Variants in SNX2 observed in about 807,000 individuals in gnomAD.
SNX2 encodes sorting nexin-2.
A neutral mutation model predicts 69.9 loss-of-function variants in SNX2; 25 were observed. The observed-to-expected ratio is 0.36, with a 90% confidence interval of 0.26 to 0.50. The LOEUF (loss-of-function observed/expected upper bound fraction) is 0.50. Among genes scored for constraint, SNX2 ranks in the 20% least tolerant of loss-of-function variants. The probability of loss-of-function intolerance (pLI) is 0.97; values close to 1 mark genes in which losing one functional copy is unlikely to be tolerated. For synonymous variants in SNX2, 229 were observed against 200.4 expected (o/e 1.14, Z -1.20); for missense variants, 551 against 613.3 (o/e 0.90, Z 1.07).
At chr5:122,829,495 C>T in intron 14 of SNX2, 103 bp from the exon 15 acceptor site, 1 of 861,146 alleles carries the variant, frequency 1.2e-6, no homozygotes, top group Non-Finnish European at 1.9e-6. Flanking sequence ...GTGAGCTACC[C>T]AGCCCGGCTT....
intron 7 of SNX2, among the ~76,000 whole-genome samples, chr5:122,811,090 TGGA>T (rs1375151741): frequency 6.6e-6 from 1 of 152,238 alleles, no homozygotes; most frequent in East Asian, 1.9e-4. Context: ...CCAACCCAGT[TGGA>T]TCTGGTGGGT....
Position 122,830,782 on chromosome 5 carries a change from G to A in SNX2, c.*1134G>A, listed in dbSNP as rs908818602. Among the ~76,000 whole-genome samples the A allele has an allele frequency of 2.0e-5, 3 of 152,014 alleles. No individual in the cohort carries two copies. Among genetic ancestry groups the A allele is most frequent in the South Asian group, 2.1e-4 (1 of 4,824 alleles). ...CTAGCACTTTGGGAGGCTGAGGTGG[G>A]TGGATCACCTGAGGTCAGGAGTTCA... On this transcript the variant is annotated 3_prime_UTR_variant, in exon 15 of 15. Transcript: ENST00000379516.
intron 1 of SNX2, among the ~76,000 whole-genome samples, chr5:122,777,460 A>G (rs1170705914): frequency 6.6e-6 from 1 of 152,238 alleles, no homozygotes; most frequent in Non-Finnish European, 1.5e-5. Context: ...AATATATACT[A>G]CTTAAACCAT....
chr5:122,820,225 G>A (rs1164657769), intron 11 of SNX2, among the ~76,000 whole-genome samples: 1 of 152,150 alleles, frequency 6.6e-6, no homozygotes, highest in Non-Finnish European at 1.5e-5. Context: ...AAAAAGGGGA[G>A]TTGGGCAGTG....
chr5:122,822,332 C>T (rs1413767043), intron 11 of SNX2, among the ~76,000 whole-genome samples: 1 of 152,162 alleles, frequency 6.6e-6, no homozygotes, highest in African/African-American at 2.4e-5. Context: ...ATCTACTCAC[C>T]TCGGCGTCCC....
Position 122,775,114 on chromosome 5 carries a change from A to T in SNX2, c.11A>T (p.Glu4Val), listed in dbSNP as rs1752824710. 2 of 1,589,676 alleles carry T rather than the reference A, an allele frequency of 1.3e-6. No homozygotes were observed. The highest frequency in any genetic ancestry group is 4.5e-5 in the East Asian group (2 of 43,978). The change falls in exon 1 of 15, where the codon GAG (glutamate) becomes GTG (valine). Residue 4 changes from glutamate (E) to valine (V), a missense_variant. Around this residue, in one of 2 missense-constraint regions of SNX2, gnomAD observed 191 missense variants for 162.9 expected, o/e 1.17. Transcript: ENST00000379516. ...TTCGGGTGAGCGAAGATGGCGGCCG[A>T]GAGGGAACCTCCTCCGCTGGGGGAC... MAA[E>V]REPPPLGDGK...
chr5:122,796,794 A>T (rs897058007), intron 2 of SNX2, among the ~76,000 whole-genome samples: 5 of 152,178 alleles, frequency 3.3e-5, no homozygotes, highest in South Asian at 2.1e-4. Context: ...ACCTTACTGT[A>T]ACAACAGAAC....
rs765862525 is a variant in SNX2 at position 122,801,960 on chromosome 5, G to C, written c.457+25G>C. 1.7e-5 allele frequency: 27 copies of C among 1,560,834 alleles called. No individual in the cohort carries two copies. The South Asian group carries it at 2.6e-4, about 15-fold the overall frequency. On this transcript the variant is annotated intron_variant, in intron 4 of 14. Coordinates refer to ENST00000379516, the MANE Select transcript of SNX2 (RefSeq NM_003100.4). The stretch of plus-strand genomic sequence containing the variant: ...GGTGAGTCAATACTTATTATATTTT[G>C]TATTTACTTTTTATTAGTTTGTTGG...
At position 122,796,987 on chromosome 5, in the gene SNX2, A is replaced by G. The variant is rs1249205862; in HGVS notation, c.226+1604A>G. 2.6e-5 allele frequency among the ~76,000 whole-genome samples: 4 copies of G among 152,354 alleles called. No individual in the cohort carries two copies. The South Asian group carries it at 6.2e-4, about 24-fold the overall frequency. ...CTGTCACCCAAGCTGGAGTATAGCC[A>G]TGCCATCATAGCTCACAGCAGCTTT... On this transcript the variant is annotated intron_variant, in intron 2 of 14. Transcript: ENST00000379516.
rs1478961337 is a variant in SNX2, at chr5:122,815,961, A to C, written c.788A>C (p.Glu263Ala). Residue 263 changes from glutamate (E) to alanine (A), a missense_variant, in exon 8 of 15, where the codon GAA becomes GCA. Glu to Ala is a moderately radical substitution (Grantham distance 107, BLOSUM62 -1). Transcript: ENST00000379516. ...LQDPDLRQFL[E>A]SSELPRAVNT... ...GATCCTGATTTAAGGCAGTTCTTGG[A>C]AAGTTCAGAGGTATTATTTCTATAT... 1 of 1,591,466 alleles carries C rather than the reference A, an allele frequency of 6.3e-7. No homozygotes were observed. The highest frequency in any genetic ancestry group is 1.1e-5 in the South Asian group (1 of 88,196).
intron 1 of SNX2, among the ~76,000 whole-genome samples, chr5:122,787,271 G>C (rs934519512): frequency 2.0e-5 from 3 of 152,158 alleles, no homozygotes; most frequent in Non-Finnish European, 4.4e-5. Flanking sequence ...TGTAATCCTA[G>C]CACTTTGGGA....
intron 11 of SNX2, among the ~76,000 whole-genome samples, chr5:122,821,176 A>G (rs1754013435): frequency 6.6e-6 from 1 of 152,234 alleles, no homozygotes; most frequent in African/African-American, 2.4e-5. Flanking sequence ...ATGCACATAC[A>G]TGATAGTTCT....
At chr5:122,791,396 C>T (rs978346513) in intron 1 of SNX2, among the ~76,000 whole-genome samples, 3 of 152,210 alleles carry the variant, frequency 2.0e-5, no homozygotes, top group Non-Finnish European at 4.4e-5. Flanking sequence ...ATTCTCCTGC[C>T]TCAGCCTCCT....
At chr5:122,823,706 G>A (rs989976290) in intron 11 of SNX2, among the ~76,000 whole-genome samples, 2 of 83,838 alleles carry the variant, frequency 2.4e-5, no homozygotes, top group South Asian at 4.9e-4. Flanking sequence ...TTTGGTGGTC[G>A]TGTGTATGTG....
chr5:122,805,029 T>C (rs1753604778), intron 6 of SNX2, among the ~76,000 whole-genome samples: 1 of 152,048 alleles, frequency 6.6e-6, no homozygotes, highest in Non-Finnish European at 1.5e-5. Context: ...TGGTGGCTCA[T>C]GCCTGTAATC....
At chr5:122,825,981 C>T (rs972598131) in intron 11 of SNX2, 69 bp from the exon 12 acceptor site, 91 of 1,420,116 alleles carry the variant, frequency 6.4e-5, no homozygotes, top group Non-Finnish European at 8.7e-5. Context: ...AGTATTATAA[C>T]ACTTCTAGTG....
At chr5:122,791,116 T>A (rs574262144) in intron 1 of SNX2, among the ~76,000 whole-genome samples, 9 of 108,684 alleles carry the variant, frequency 8.3e-5, no homozygotes, top group Admixed American at 5.4e-4. Flanking sequence ...ATAGGCTATT[T>A]CAATTTTTTT....
At position 122,827,407 on chromosome 5, in the gene SNX2, G is replaced by A. The variant is rs1754175583; in HGVS notation, c.1385G>A (p.Arg462Lys). The A allele has an allele frequency of 2.5e-6, 4 of 1,613,336 alleles. No individual in the cohort carries two copies. The highest frequency in any genetic ancestry group is 3.4e-6 in the Non-Finnish European group (4 of 1,179,606). The change falls in exon 13 of 15, where the codon AGA becomes AAA. Residue 462 changes from arginine (R) to lysine (K), a missense_variant. By Grantham distance (26) the Arg-to-Lys change is conservative. Around this residue, in one of 2 missense-constraint regions of SNX2, gnomAD observed 360 missense variants for 450.4 expected, o/e 0.80. Coordinates refer to ENST00000379516, the MANE Select transcript of SNX2 (RefSeq NM_003100.4). ...EWEAKVQQGE[R>K]DFEQISKTIR... ...GAGGCGAAAGTGCAACAAGGGGAAAGAGATTTTGAACAGATATCTAAAACG... is the reference window on the plus strand; with the variant it reads ...GAGGCGAAAGTGCAACAAGGGGAAAAAGATTTTGAACAGATATCTAAAACG...
At chr5:122,792,686 C>A (rs1753272323) in intron 1 of SNX2, among the ~76,000 whole-genome samples, 1 of 151,688 alleles carries the variant, frequency 6.6e-6, no homozygotes, top group Non-Finnish European at 1.5e-5. Flanking sequence ...CAAAATCTAC[C>A]ATTAAGAAAG....
Sources: allele counts gnomAD v4.1 joint callset (sites outside exome capture counted in the v4.1 genomes callset), GRCh38; gene constraint gnomAD v4.1.1; regional missense constraint gnomAD v4.1.1; transcripts MANE v1.5; gene names NCBI Gene and HGNC (gene_info 2026-07-23, HGNC 2026-07-21).